The following RC3H1 variants were observed in gnomAD, a reference collection of about 807,000 sequenced individuals.
RC3H1 encodes the protein ring finger and CCCH-type domains 1.
Under a neutral mutation model 138.2 loss-of-function variants are expected in RC3H1, and 50 were observed. The ratio of observed to expected loss-of-function variants is 0.36; its 90% CI spans 0.29 to 0.46. The LOEUF (loss-of-function observed/expected upper bound fraction) is 0.46, where lower values mean the gene tolerates loss of function less well. RC3H1 is among the 20% of genes least tolerant of loss of function. The pLI, the probability that RC3H1 is intolerant of heterozygous loss-of-function variation, is 1.00. For synonymous variants in RC3H1, 462 were observed against 489.1 expected, an observed-to-expected ratio of 0.94 and a Z score of 0.73; for missense variants, 1,031 against 1,388.1, an observed-to-expected ratio of 0.74 and a Z score of 4.09.
At position 173,990,849 on chromosome 1, in the gene RC3H1, G is replaced by A. The variant is rs186943937; in HGVS notation, c.231+1906C>T. 7.3e-3 allele frequency among the ~76,000 whole-genome samples: 1,116 copies of A among 152,162 alleles called. 8 individuals are homozygous for A. The highest frequency in any genetic ancestry group is 0.013 in the South Asian group (63 of 4,828). On this transcript the variant is annotated intron_variant, in intron 2 of 19. Coordinates refer to ENST00000367696, the MANE Select transcript of RC3H1 (RefSeq NM_172071.4). The stretch of plus-strand genomic sequence containing the variant: ...GATCTCCTGACCTCGTGATCCACCC[G>A]CCTCGGCCTCCCAAAGTGCTGGGAT...
intron 1 of RC3H1, among the ~76,000 whole-genome samples, chr1:174,000,601 C>T (rs1371567513): frequency 2.0e-5 from 3 of 152,164 alleles, no homozygotes. Flanking sequence ...AGAAGAAAAT[C>T]TTGGCTCTCT....
chr1:174,004,051 TATA>T (rs1250575721), intron 1 of RC3H1, among the ~76,000 whole-genome samples: 3 of 147,688 alleles, frequency 2.0e-5, no homozygotes, highest in African/African-American at 7.4e-5. Flanking sequence ...ATATATATGA[TATA>T]TTATTATATA....
intron 13 of RC3H1, among the ~76,000 whole-genome samples, chr1:173,952,382 T>C (rs1370469097): frequency 1.5e-4 from 21 of 144,234 alleles, no homozygotes; most frequent in African/African-American, 5.0e-4. Flanking sequence ...TTTGTTTTTT[T>C]TTTTTACCTT....
chr1:173,992,720 GGA>G, intron 2 of RC3H1, 33 bp downstream of exon 2: 1 of 1,276,322 alleles, frequency 7.8e-7, no homozygotes, highest in Non-Finnish European at 1.1e-6. Flanking sequence ...AGAGAGAGAG[GGA>G]GAAATTTAAA....
At chr1:173,964,722 A>G in intron 10 of RC3H1, 117 bp downstream of exon 10, 5 of 1,036,970 alleles carry the variant, frequency 4.8e-6, no homozygotes, top group Non-Finnish European at 5.5e-6. Flanking sequence ...CAACAAAATA[A>G]AGGCCAAAAA....
At chr1:173,979,100 T>A (rs1052387214) in intron 6 of RC3H1, among the ~76,000 whole-genome samples, 1 of 152,220 alleles carries the variant, frequency 6.6e-6, no homozygotes, top group Admixed American at 6.5e-5. Context: ...TTTCAAATGC[T>A]TAATGGCCGT....
Position 173,995,753 on chromosome 1 carries a change from G to A in RC3H1, c.-150-2618C>T, listed in dbSNP as rs554015035. 2.6e-5 allele frequency among the ~76,000 whole-genome samples: 4 copies of A among 152,184 alleles called. No homozygotes were observed. In the South Asian group the frequency reaches 8.3e-4, roughly 32 times the overall value. ...ATGATCTCCTTCAAGGCTCAACTAG[G>A]AAGAGTAACAACTATATGTCTTTTC... is the stretch of plus-strand genomic sequence containing the variant. On this transcript the variant is annotated intron_variant, in intron 1 of 19. Coordinates refer to ENST00000367696, the MANE Select transcript of RC3H1 (RefSeq NM_172071.4).
At chr1:174,006,970 T>C (rs1370992213) in intron 1 of RC3H1, among the ~76,000 whole-genome samples, 3 of 152,168 alleles carry the variant, frequency 2.0e-5, no homozygotes, top group African/African-American at 7.2e-5. Flanking sequence ...ACTTAAGACA[T>C]ACATTATCAG....
At chr1:173,965,304 T>A (rs12062801) in intron 9 of RC3H1, among the ~76,000 whole-genome samples, 184 bp from the exon 10 acceptor site, 7,915 of 152,148 alleles carry the variant, frequency 0.052, 669 homozygotes, top group African/African-American at 0.18. Flanking sequence ...CATAAAAATG[T>A]GTAACATAGG....
intron 2 of RC3H1, among the ~76,000 whole-genome samples, chr1:173,988,633 T>C (rs1661135303): frequency 6.6e-6 from 1 of 152,258 alleles, no homozygotes; most frequent in African/African-American, 2.4e-5. Flanking sequence ...TGCCAAACTG[T>C]CTTCCAAAGT....
chr1:173,946,716 G>A, intron 16 of RC3H1, 30 bp downstream of exon 16: 1 of 1,600,728 alleles, frequency 6.2e-7, no homozygotes, highest in Non-Finnish European at 8.6e-7. Context: ...GTTTCTACAT[G>A]TTTGTTCAAG....
chr1:173,939,834 CA>C (rs1464659893), intron 19 of RC3H1, among the ~76,000 whole-genome samples: 11 of 141,230 alleles, frequency 7.8e-5, no homozygotes, highest in Admixed American at 7.1e-5. Flanking sequence ...GACTCCATCT[CA>C]AAAAAAAAAT....
At chr1:174,011,206 T>A (rs1213989806) in intron 1 of RC3H1, among the ~76,000 whole-genome samples, 1 of 151,710 alleles carries the variant, frequency 6.6e-6, no homozygotes, top group Non-Finnish European at 1.5e-5. Context: ...ACCTACAAAA[T>A]AAGAAGACAT....
chr1:174,004,423 C>T (rs906965953), intron 1 of RC3H1, among the ~76,000 whole-genome samples: 25 of 152,154 alleles, frequency 1.6e-4, no homozygotes, highest in Middle Eastern at 3.4e-3. Context: ...CCTATTTTCT[C>T]TATGGTTTTA....
chr1:173,978,433 T>C (rs78576697), intron 7 of RC3H1, 55 bp downstream of exon 7: 145,889 of 1,558,768 alleles, frequency 0.094, 8,275 homozygotes, highest in East Asian at 0.29. Context: ...TAAAGAATCA[T>C]TGAGCAGCAC....
rs1658539697 is a variant in RC3H1 at position 173,935,336 on chromosome 1, T to G, written c.*3385A>C. 1 of 152,082 alleles carries G rather than the reference T, an allele frequency of 6.6e-6. No individual in the cohort carries two copies. Among genetic ancestry groups the G allele is most frequent in the Non-Finnish European group, 1.5e-5 (1 of 68,018 alleles). 9.4% of individuals were successfully genotyped at this position (152,082 alleles called of 1,614,324 possible). On this transcript the variant is annotated 3_prime_UTR_variant, in exon 20 of 20. Transcript: ENST00000367696. The stretch of plus-strand genomic sequence containing the variant: ...TCCTAGCGACTCCTTGAAAAAAGAG[T>G]AAGTCAAAATACTTTTATATTTCTC...
intron 1 of RC3H1, among the ~76,000 whole-genome samples, chr1:174,005,789 G>A (rs1276484143): frequency 6.6e-6 from 1 of 152,152 alleles, no homozygotes; most frequent in Non-Finnish European, 1.5e-5. Context: ...ACATACTTAA[G>A]CTGTGATCCA....
chr1:174,001,353 T>C (rs1010301372), intron 1 of RC3H1, among the ~76,000 whole-genome samples: 1 of 152,222 alleles, frequency 6.6e-6, no homozygotes, highest in African/African-American at 2.4e-5. Flanking sequence ...TTATGCATTA[T>C]ATACAAATGT....
intron 19 of RC3H1, among the ~76,000 whole-genome samples, chr1:173,940,553 T>G (rs533889870): frequency 2.2e-4 from 33 of 150,706 alleles, no homozygotes; most frequent in African/African-American, 8.0e-4. Flanking sequence ...CAGGCAATTT[T>G]AAAATTTGCC....
Sources: allele counts gnomAD v4.1 joint callset (sites outside exome capture counted in the v4.1 genomes callset), GRCh38; gene constraint gnomAD v4.1.1; transcripts MANE v1.5; gene names NCBI Gene and HGNC (gene_info 2026-07-23, HGNC 2026-07-21).